The following PCDH15 variants were observed in gnomAD, a reference collection of about 807,000 sequenced individuals.
PCDH15 encodes the protein protocadherin-15.
In PCDH15, 129 loss-of-function variants were observed where a neutral mutation model predicts 178.5. The ratio of observed to expected loss-of-function variants is 0.72; its 90% CI spans 0.63 to 0.84. PCDH15 has a LOEUF of 0.84. Among genes scored for constraint, PCDH15 ranks in the 40% least tolerant of loss-of-function variants. PCDH15 has a pLI of 0.00. For missense variants in PCDH15, 2,230 were observed against 2,099.9 expected (o/e 1.06, Z -1.21); for synonymous variants, 800 against 732.0 (o/e 1.09, Z -1.50).
At chr10:55,186,273 T>C (rs1308717140) in intron 1 of PCDH15, among the ~76,000 whole-genome samples, 2 of 151,598 alleles carry the variant, frequency 1.3e-5, no homozygotes, top group Admixed American at 6.6e-5. Flanking sequence ...CTCTATGTTT[T>C]TTATTTTTAG....
chr10:53,891,753 G>A (rs1434762101), intron 26 of PCDH15, among the ~76,000 whole-genome samples: 1 of 151,170 alleles, frequency 6.6e-6, no homozygotes, highest in Non-Finnish European at 1.5e-5. Flanking sequence ...AGGGTTTCGA[G>A]ACCAGTCTGG....
intron 16 of PCDH15, among the ~76,000 whole-genome samples, chr10:54,086,291 C>A (rs995333773): frequency 6.6e-6 from 1 of 152,032 alleles, no homozygotes; most frequent in Non-Finnish European, 1.5e-5. Context: ...TTTTTTACAA[C>A]CATTTGTTGT....
intron 2 of PCDH15, among the ~76,000 whole-genome samples, chr10:55,124,703 T>G (rs1170970899): frequency 6.6e-6 from 1 of 152,106 alleles, no homozygotes; most frequent in Non-Finnish European, 1.5e-5. Flanking sequence ...AATACTAGAA[T>G]TTCTAGGCAA....
At chr10:54,321,468 A>AAC (rs781178459) in intron 7 of PCDH15, among the ~76,000 whole-genome samples, 1 of 151,584 alleles carries the variant, frequency 6.6e-6, no homozygotes, top group Non-Finnish European at 1.5e-5. Flanking sequence ...TGCAGATATA[A>AAC]ACACACATAT....
intron 2 of PCDH15, among the ~76,000 whole-genome samples, chr10:55,516,092 G>T (rs1337583328): frequency 6.6e-6 from 1 of 151,734 alleles, no homozygotes; most frequent in Admixed American, 6.6e-5. Flanking sequence ...TTTTGATATG[G>T]TTTGGCTGTG....
chr10:54,367,371 C>A (rs72801260), intron 5 of PCDH15, among the ~76,000 whole-genome samples: 22,084 of 151,952 alleles, frequency 0.15, 1,795 homozygotes, highest in Middle Eastern at 0.22. Context: ...TGAGAAGTTA[C>A]TGTTTAACAA....
At chr10:55,258,012 A>G (rs551267170) in intron 1 of PCDH15, among the ~76,000 whole-genome samples, 4 of 152,344 alleles carry the variant, frequency 2.6e-5, no homozygotes, top group South Asian at 4.1e-4. Flanking sequence ...CCATCAGACT[A>G]ACAGCTGATC....
chr10:55,200,744 T>C (rs1178856438), intron 1 of PCDH15, among the ~76,000 whole-genome samples: 1 of 152,054 alleles, frequency 6.6e-6, no homozygotes, highest in Non-Finnish European at 1.5e-5. Flanking sequence ...ATTTCCTCCT[T>C]GCTGTTCTGA....
At chr10:54,698,950 A>C (rs2095271407) in intron 1 of PCDH15, among the ~76,000 whole-genome samples, 1 of 152,160 alleles carries the variant, frequency 6.6e-6, no homozygotes, top group Non-Finnish European at 1.5e-5. Context: ...CTTGACTTAT[A>C]TAATAAATTC....
intron 15 of PCDH15, among the ~76,000 whole-genome samples, chr10:54,110,797 T>G (rs939797246): frequency 2.6e-5 from 4 of 152,206 alleles, no homozygotes; most frequent in Non-Finnish European, 4.4e-5. Flanking sequence ...TTTCCCTTAT[T>G]TTCTTTTAAA....
chr10:54,993,288 AT>A (rs1333679086), intron 2 of PCDH15, among the ~76,000 whole-genome samples: 2 of 152,222 alleles, frequency 1.3e-5, no homozygotes, highest in Non-Finnish European at 2.9e-5. Context: ...TTATAGCCAA[AT>A]TTGATTAGCC....
intron 14 of PCDH15, among the ~76,000 whole-genome samples, chr10:54,139,307 A>T (rs1244196226): frequency 1.3e-5 from 2 of 152,184 alleles, no homozygotes; most frequent in African/African-American, 4.8e-5. Context: ...CTATTAAAAA[A>T]AAAAGTAATG....
intron 16 of PCDH15, among the ~76,000 whole-genome samples, chr10:54,083,127 A>C (rs571934675): frequency 1.3e-5 from 2 of 152,316 alleles, no homozygotes; most frequent in African/African-American, 4.8e-5. Flanking sequence ...ACAACAACAA[A>C]AAATAATTGT....
chr10:54,536,382 ATTT>A (rs3070741), intron 2 of PCDH15, among the ~76,000 whole-genome samples: 6 of 149,092 alleles, frequency 4.0e-5, no homozygotes, highest in Admixed American at 2.7e-4. Flanking sequence ...AATGACTGTC[ATTT>A]TTTTTTTTAA....
intron 1 of PCDH15, among the ~76,000 whole-genome samples, chr10:54,713,935 A>G (rs2095451142): frequency 6.6e-6 from 1 of 152,284 alleles, no homozygotes; most frequent in South Asian, 2.1e-4. Context: ...AATGGCTCAC[A>G]TTAATTCTGT....
At chr10:55,080,570 T>C (rs1842014379) in intron 2 of PCDH15, among the ~76,000 whole-genome samples, 1 of 152,068 alleles carries the variant, frequency 6.6e-6, no homozygotes, top group Non-Finnish European at 1.5e-5. Flanking sequence ...AGTACATTAT[T>C]TGGTCCCTGG....
chr10:54,324,683 T>A (rs1321941671), intron 7 of PCDH15, among the ~76,000 whole-genome samples: 3 of 151,978 alleles, frequency 2.0e-5, no homozygotes, highest in Non-Finnish European at 2.9e-5. Flanking sequence ...AGGAGAATCA[T>A]GAACACGAGA....
intron 3 of PCDH15, among the ~76,000 whole-genome samples, chr10:54,817,981 T>A (rs1038133347): frequency 3.3e-4 from 50 of 152,022 alleles, no homozygotes; most frequent in African/African-American, 1.2e-3. Flanking sequence ...GAAGGGACAA[T>A]GTTTAATTCT....
chr10:55,367,442 A>G (rs927968800), intron 2 of PCDH15, among the ~76,000 whole-genome samples: 2 of 151,912 alleles, frequency 1.3e-5, no homozygotes, highest in Non-Finnish European at 2.9e-5. Context: ...TTAGTTGGAC[A>G]TGGTGCTGCG....
Sources: gnomAD v4.1 joint callset for allele counts (sites outside exome capture counted in the v4.1 genomes callset) on GRCh38, gnomAD v4.1.1 for gene constraint, MANE v1.5 for transcripts, NCBI Gene and HGNC (gene_info 2026-07-23, HGNC 2026-07-21) for gene names.